Variants in MGA observed in about 807,000 individuals in gnomAD.
MGA encodes MAX gene-associated protein.
In MGA, 40 loss-of-function variants were observed where a neutral mutation model predicts 261.1. The observed-to-expected ratio is 0.15, with a 90% CI of 0.12 to 0.20. The LOEUF is 0.20. Among genes scored for constraint, MGA ranks in the 10% least tolerant of loss-of-function variants. The pLI, the probability that MGA is intolerant of heterozygous loss-of-function variation, is 1.00. For synonymous variants in MGA, 1,302 were observed against 1,290.6 expected (o/e 1.01, Z -0.19); for missense variants, 3,397 against 3,630.5 (o/e 0.94, Z 1.65).
At chr15:41,640,340 G>A (rs1019790315) in intron 1 of MGA, among the ~76,000 whole-genome samples, 2 of 152,104 alleles carry the variant, frequency 1.3e-5, no homozygotes, top group African/African-American at 4.8e-5. Flanking sequence ...GAGTTGAGGT[G>A]CAACTTGGTG....
Position 41,766,341 on chromosome 15 carries a change from G to A in MGA, c.8259G>A (p.Gly2753=). Residue 2753 remains glycine (G), a synonymous_variant, in exon 24 of 24, where the codon GGG becomes GGA. Transcript: ENST00000219905. The stretch of plus-strand genomic sequence containing the variant: ...AAAAGATTTCTGGTGATATGAGAGG[G>A]ATTCAGTATAAATGGAAAGAGAGTG... The A allele has an allele frequency of 6.2e-7, 1 of 1,613,868 alleles. No individual in the cohort carries two copies. The highest frequency in any genetic ancestry group is 8.5e-7 in the Non-Finnish European group (1 of 1,179,820).
intron 11 of MGA, among the ~76,000 whole-genome samples, chr15:41,732,438 G>A (rs2061559445): frequency 6.6e-6 from 1 of 152,088 alleles, no homozygotes; most frequent in African/African-American, 2.4e-5. Context: ...GTGAGCCACC[G>A]TGCCCGGCCT....
intron 1 of MGA, among the ~76,000 whole-genome samples, chr15:41,640,765 C>T (rs140945670): frequency 3.9e-5 from 6 of 152,342 alleles, no homozygotes; most frequent in Middle Eastern, 3.4e-3. Context: ...GATCTGCCCA[C>T]CTCGGCCTCC....
At chr15:41,753,817 T>A (rs1179163642) in intron 17 of MGA, among the ~76,000 whole-genome samples, 8 of 152,242 alleles carry the variant, frequency 5.3e-5, no homozygotes, top group African/African-American at 1.9e-4. Context: ...TTATGAAACC[T>A]TAATATATCT....
chr15:41,696,826 G>A lies in MGA; in HGVS notation c.1816G>A (p.Ala606Thr), dbSNP rs757899347. 7 of 1,600,264 alleles carry A rather than the reference G, an allele frequency of 4.4e-6. No homozygotes were observed. In the Admixed American group the frequency reaches 5.2e-5, roughly 12 times the overall value. The change falls in exon 3 of 24, where the codon GCC becomes ACC. Residue 606 changes from alanine (A) to threonine (T), a missense_variant. Transcript: ENST00000219905. ...AAAGGTAGTGAATGCTAATCAGAAT[G>A]CCTCTCCAAATGTCCCTGGAAAAAG...
At chr15:41,641,883 C>T (rs1422704167) in intron 1 of MGA, among the ~76,000 whole-genome samples, 2 of 151,590 alleles carry the variant, frequency 1.3e-5, no homozygotes, top group Non-Finnish European at 2.9e-5. Context: ...GTAGTCTTGA[C>T]CTCTGGGGCT....
At position 41,727,365 on chromosome 15, in the gene MGA, A is replaced by G; in HGVS notation, c.3616A>G (p.Ile1206Val). Residue 1206 changes from isoleucine to valine, a missense_variant, in exon 10 of 24, where the codon ATT becomes GTT. Coordinates refer to ENST00000219905, the MANE Select transcript of MGA (RefSeq NM_001164273.2). Reference sequence around the variant, plus strand: ...TGTGAAGGGCAAACTGCTCACTGGAATTAAATCTCCACGGTCATATACTCC... The same window carrying G: ...TGTGAAGGGCAAACTGCTCACTGGAGTTAAATCTCCACGGTCATATACTCC... The G allele has an allele frequency of 1.9e-6, 3 of 1,614,028 alleles. No individual in the cohort carries two copies. The highest frequency in any genetic ancestry group is 1.1e-5 in the South Asian group (1 of 91,084).
At chr15:41,628,637 G>A (rs1402670363) in intron 1 of MGA, among the ~76,000 whole-genome samples, 2 of 151,796 alleles carry the variant, frequency 1.3e-5, no homozygotes, top group Non-Finnish European at 2.9e-5. Flanking sequence ...CCAGAGTTGG[G>A]AGAGTGCTGG....
At position 41,643,049 on chromosome 15, in the gene MGA, T is replaced by C. The variant is rs184114156; in HGVS notation, c.-68+21751T>C. Among the ~76,000 whole-genome samples the C allele has an allele frequency of 9.2e-5, 14 of 151,530 alleles. No homozygotes were observed. The East Asian group carries it at 2.1e-3, about 23-fold the overall frequency. ...TACCTCAGCCTTCCAATTATAGGCA[T>C]GTGTCACCACACTTAGCTAATTATT... On this transcript the variant is annotated intron_variant, in intron 1 of 8. Transcript: ENST00000566718.
intron 2 of MGA, among the ~76,000 whole-genome samples, chr15:41,688,538 T>G (rs2059091441): frequency 1.3e-5 from 2 of 152,206 alleles, no homozygotes; most frequent in African/African-American, 4.8e-5. Flanking sequence ...ACTTGTTTCT[T>G]TATCCACTGT....
chr15:41,754,973 C>G (rs1339227246), intron 18 of MGA, among the ~76,000 whole-genome samples: 3 of 152,144 alleles, frequency 2.0e-5, no homozygotes, highest in Non-Finnish European at 4.4e-5. Context: ...GTGGACTACT[C>G]AACAAAGGTT....
In MGA at chr15:41,696,195, G is replaced by A. The variant is rs1378977678; in HGVS notation, c.1185G>A (p.Glu395=). ...ATGATTATGACTACGAACTTGGTGAGTGCCCAGAAGGGGTCACTGTGAAAC... is the reference window on the plus strand; with the variant it reads ...ATGATTATGACTACGAACTTGGTGAATGCCCAGAAGGGGTCACTGTGAAAC... The change falls in exon 3 of 24, where the codon GAG becomes GAA. Residue 395 remains glutamate, a synonymous_variant. Coordinates refer to ENST00000219905, the MANE Select transcript of MGA (RefSeq NM_001164273.2). The A allele has an allele frequency of 1.2e-5, 19 of 1,613,920 alleles. No individual in the cohort carries two copies. The highest frequency in any genetic ancestry group is 1.5e-5 in the Non-Finnish European group (18 of 1,179,886).
chr15:41,719,998 T>C lies in MGA; in HGVS notation c.3430+6502T>C, dbSNP rs547775406. ...AAGTGAACCTCGGAAAAATGCTGCT[T>C]CTCACTTTCATCTGTAATCTTATTT... On this transcript the variant is annotated intron_variant, in intron 9 of 23. Coordinates refer to ENST00000219905, the MANE Select transcript of MGA (RefSeq NM_001164273.2). 4.6e-5 allele frequency among the ~76,000 whole-genome samples: 7 copies of C among 152,334 alleles called. No homozygotes were observed. In the South Asian group the frequency reaches 1.4e-3, roughly 32 times the overall value.
Position 41,743,007 on chromosome 15 carries a change from C to G in MGA, c.5047C>G (p.Pro1683Ala), listed in dbSNP as rs756633998. 6.2e-7 allele frequency: 1 copy of G among 1,613,886 alleles called. No homozygotes were observed. Among genetic ancestry groups the G allele is most frequent in the East Asian group, 2.2e-5 (1 of 44,898 alleles). Residue 1683 changes from proline to alanine, a missense_variant, in exon 15 of 24, where the codon CCT becomes GCT. Around this residue, in one of 9 missense-constraint regions of MGA, gnomAD observed 1,410 missense variants for 1,386.4 expected, o/e 1.02. Transcript: ENST00000219905. Reference sequence around the variant, plus strand: ...TTTTCCTAAGTCTTTGGTAGCATCTCCTTCAACCATAACTCTTCCTGTTGC... The same window carrying G: ...TTTTCCTAAGTCTTTGGTAGCATCTGCTTCAACCATAACTCTTCCTGTTGC...
At chr15:41,738,460 G>GTTGTGCATGCTA (rs2061912603) in intron 13 of MGA, among the ~76,000 whole-genome samples, 1 of 152,184 alleles carries the variant, frequency 6.6e-6, no homozygotes, top group Non-Finnish European at 1.5e-5. Context: ...GCAGTTTACT[G>GTTGTGCATGCTA]TTGTGCATGC....
chr15:41,755,109 G>A (rs183158359), intron 18 of MGA, among the ~76,000 whole-genome samples: 41 of 152,250 alleles, frequency 2.7e-4, no homozygotes, highest in Admixed American at 5.9e-4. Flanking sequence ...AATATGAAAG[G>A]AATGATGACT....
chr15:41,675,082 A>T (rs150119590), intron 2 of MGA, among the ~76,000 whole-genome samples: 1 of 152,302 alleles, frequency 6.6e-6, no homozygotes, highest in Non-Finnish European at 1.5e-5. Context: ...TTTGACTGTT[A>T]TGAATAAAAC....
At chr15:41,718,036 G>T (rs2060732425) in intron 9 of MGA, among the ~76,000 whole-genome samples, 1 of 150,436 alleles carries the variant, frequency 6.6e-6, no homozygotes, top group Admixed American at 6.6e-5. Flanking sequence ...AAAAATTAAT[G>T]TTCTAAATTA....
intron 2 of MGA, among the ~76,000 whole-genome samples, chr15:41,692,766 C>T (rs753209635): frequency 6.6e-6 from 1 of 152,164 alleles, no homozygotes; most frequent in Non-Finnish European, 1.5e-5. Flanking sequence ...GGCTGGAGTG[C>T]AGTGGTGCGA....
Sources: gnomAD v4.1 joint callset for allele counts (sites outside exome capture counted in the v4.1 genomes callset) on GRCh38, gnomAD v4.1.1 for gene constraint, gnomAD v4.1.1 regional missense constraint, MANE v1.5 for transcripts, NCBI Gene and HGNC (gene_info 2026-07-23, HGNC 2026-07-21) for gene names.